PTPRT: variants seen among roughly 807,000 people sequenced by gnomAD.
The protein encoded by PTPRT is protein tyrosine phosphatase receptor type T.
PTPRT carries 56 observed loss-of-function variants against 176.8 expected under a neutral mutation model. That is an observed-to-expected ratio of 0.32 (90% CI 0.26 to 0.40). The LOEUF is 0.40. Among genes scored for constraint, PTPRT ranks in the 10% least tolerant of loss-of-function variants. The pLI is 1.00. For missense variants in PTPRT, 1,540 were observed against 1,908.2 expected (o/e 0.81, Z 3.60); for synonymous variants, 783 against 739.0 (o/e 1.06, Z -0.96).
the PTPRT span, among the ~76,000 whole-genome samples, chr20:42,064,346 C>A: frequency 1.3e-5 from 2 of 152,102 alleles, no homozygotes; most frequent in African/African-American, 2.4e-5. Context: ...GTAGAATTGG[C>A]ATGTTAACTA....
intron 7 of PTPRT, among the ~76,000 whole-genome samples, chr20:42,502,394 A>G (rs2071765700): frequency 7.0e-6 from 1 of 142,000 alleles, no homozygotes; most frequent in African/African-American, 2.7e-5. Context: ...AAAAAATTAC[A>G]TATGTATACA....
At chr20:42,305,288 T>C (rs894003192) in intron 12 of PTPRT, among the ~76,000 whole-genome samples, 2 of 144,518 alleles carry the variant, frequency 1.4e-5, no homozygotes, top group African/African-American at 5.2e-5. Flanking sequence ...GGGAGGCAGG[T>C]TGTAGTGAGC....
intron 5 of PTPRT, among the ~76,000 whole-genome samples, chr20:42,768,185 A>G (rs2077012035): frequency 6.6e-6 from 1 of 152,168 alleles, no homozygotes; most frequent in Non-Finnish European, 1.5e-5. Context: ...GACAATATTT[A>G]GGGAAGTTTC....
Position 42,073,651 on chromosome 20 carries a change from C to T in PTPRT, c.*7228G>A, listed in dbSNP as rs57738481. ...CAAAGCAGCTGTTCCCTATGGTTTG[C>T]TGTTTGGTGATAACCAGCCTGGATC... is the stretch of plus-strand genomic sequence containing the variant. On this transcript the variant is annotated 3_prime_UTR_variant, in exon 31 of 31. Coordinates refer to ENST00000373187, the MANE Select transcript of PTPRT (RefSeq NM_007050.6). 1,132 of 225,306 alleles carry T rather than the reference C, an allele frequency of 5.0e-3. 17 individuals carry two copies. The highest frequency in any genetic ancestry group is 0.024 in the African/African-American group (1,064 of 44,974). 14.0% of individuals were successfully genotyped at this position (225,306 alleles called of 1,614,324 possible).
At chr20:42,140,369 A>G (rs989663152) in intron 18 of PTPRT, among the ~76,000 whole-genome samples, 10 of 152,232 alleles carry the variant, frequency 6.6e-5, no homozygotes, top group African/African-American at 2.2e-4. Context: ...TGTTCTAATT[A>G]GAATACATGC....
intron 28 of PTPRT, among the ~76,000 whole-genome samples, chr20:42,085,204 G>A (rs1396036756): frequency 1.3e-5 from 2 of 152,152 alleles, no homozygotes; most frequent in African/African-American, 4.8e-5. Context: ...TGAACTCTGA[G>A]CAGGGGGGTA....
chr20:43,014,995 T>C (rs1985303214), intron 1 of PTPRT, among the ~76,000 whole-genome samples: 2 of 152,228 alleles, frequency 1.3e-5, no homozygotes, highest in South Asian at 4.1e-4. Flanking sequence ...GTCTCCTGTG[T>C]CCTGTTCAGT....
chr20:42,908,000 C>T (rs1259008382), intron 1 of PTPRT, among the ~76,000 whole-genome samples: 2 of 152,040 alleles, frequency 1.3e-5, no homozygotes, highest in South Asian at 2.1e-4. Flanking sequence ...AAGAACCCTT[C>T]GGGAAGAGGT....
At chr20:42,326,182 G>T (rs180826502) in intron 11 of PTPRT, among the ~76,000 whole-genome samples, 1 of 152,294 alleles carries the variant, frequency 6.6e-6, no homozygotes, top group East Asian at 1.9e-4. Context: ...TCAATATGGG[G>T]CCAGTTAGGC....
At chr20:42,567,942 G>A (rs2073074274) in intron 7 of PTPRT, among the ~76,000 whole-genome samples, 1 of 151,688 alleles carries the variant, frequency 6.6e-6, no homozygotes, top group African/African-American at 2.4e-5. Context: ...AAAGACCAAA[G>A]ACATTATAGG....
chr20:42,116,286 G>GA (rs1292751507), intron 21 of PTPRT, among the ~76,000 whole-genome samples: 2 of 152,190 alleles, frequency 1.3e-5, no homozygotes, highest in Non-Finnish European at 2.9e-5. Flanking sequence ...GGGCACAGAG[G>GA]ACGCAGCATT....
intron 7 of PTPRT, among the ~76,000 whole-genome samples, chr20:42,490,068 T>G (rs1160045632): frequency 2.0e-5 from 3 of 152,218 alleles, no homozygotes; most frequent in Non-Finnish European, 4.4e-5. Flanking sequence ...CATGAAATGG[T>G]TCTTGAGCTT....
the PTPRT span, among the ~76,000 whole-genome samples, chr20:42,040,913 A>G: frequency 9.1e-4 from 138 of 152,230 alleles, no homozygotes; most frequent in African/African-American, 3.1e-3. Flanking sequence ...AGTCACCTGG[A>G]GGAAGGATTT....
At chr20:42,062,599 T>C in the PTPRT span, among the ~76,000 whole-genome samples, 1 of 152,198 alleles carries the variant, frequency 6.6e-6, no homozygotes, top group Admixed American at 6.5e-5. Context: ...CTGGGGATTT[T>C]TTTTCCCACA....
chr20:42,163,606 A>T (rs889899985), intron 16 of PTPRT, among the ~76,000 whole-genome samples: 3 of 152,202 alleles, frequency 2.0e-5, no homozygotes, highest in African/African-American at 7.2e-5. Flanking sequence ...AGAAATACTG[A>T]TTCCACCCTC....
chr20:42,474,680 C>T (rs868336022), intron 7 of PTPRT, among the ~76,000 whole-genome samples: 6 of 152,138 alleles, frequency 3.9e-5, no homozygotes, highest in Non-Finnish European at 7.4e-5. Flanking sequence ...GGTGGGATTA[C>T]GGCTGCTGGC....
chr20:42,792,420 C>A (rs2077390411), intron 2 of PTPRT, among the ~76,000 whole-genome samples: 1 of 152,126 alleles, frequency 6.6e-6, no homozygotes, highest in Admixed American at 6.5e-5. Flanking sequence ...GTACAAATAA[C>A]TTTCTAACAA....
At chr20:42,932,722 C>T (rs1979940786) in intron 1 of PTPRT, among the ~76,000 whole-genome samples, 1 of 152,238 alleles carries the variant, frequency 6.6e-6, no homozygotes, top group Non-Finnish European at 1.5e-5. Flanking sequence ...GGGGGCTTCA[C>T]TGAGCTCCTG....
At chr20:42,133,188 T>G (rs1988207580) in intron 18 of PTPRT, among the ~76,000 whole-genome samples, 1 of 152,212 alleles carries the variant, frequency 6.6e-6, no homozygotes, top group African/African-American at 2.4e-5. Flanking sequence ...ATAAGTGTTC[T>G]GAGCATGTTT....
Sources: allele counts gnomAD v4.1 joint callset (sites outside exome capture counted in the v4.1 genomes callset), GRCh38; gene constraint gnomAD v4.1.1; transcripts MANE v1.5; gene names NCBI Gene and HGNC (gene_info 2026-07-23, HGNC 2026-07-21).